DOCK3: variants seen among roughly 807,000 people sequenced by gnomAD.
The protein encoded by DOCK3 is dedicator of cytokinesis 3.
A neutral mutation model predicts 265.6 loss-of-function variants in DOCK3; 60 were observed. The observed-to-expected ratio is 0.23, with a 90% CI of 0.18 to 0.28. DOCK3 has a LOEUF of 0.28. DOCK3 is among the 10% of genes least tolerant of loss of function. The pLI, the probability that DOCK3 is intolerant of heterozygous loss-of-function variation, is 1.00. For synonymous variants in DOCK3, 881 were observed against 938.0 expected (o/e 0.94, Z 1.11); for missense variants, 1,981 against 2,594.3 (o/e 0.76, Z 5.14).
At chr3:51,147,775 A>G (rs993147411) in intron 10 of DOCK3, among the ~76,000 whole-genome samples, 2 of 152,184 alleles carry the variant, frequency 1.3e-5, no homozygotes, top group African/African-American at 4.8e-5. Context: ...AGTCTTTGCT[A>G]TTGTGAATAG....
chr3:51,311,950 C>G, intron 28 of DOCK3, 54 bp from the exon 29 acceptor site: 1 of 1,391,330 alleles, frequency 7.2e-7, no homozygotes, highest in Non-Finnish European at 9.9e-7. Context: ...ACCAAGCCAT[C>G]AGATGCCATT....
chr3:51,063,853 A>T (rs1049688250), intron 5 of DOCK3, among the ~76,000 whole-genome samples: 1 of 152,202 alleles, frequency 6.6e-6, no homozygotes, highest in African/African-American at 2.4e-5. Context: ...TTTTTATTAA[A>T]CTGAAAAGAC....
At chr3:50,972,075 T>C (rs1241082979) in intron 5 of DOCK3, among the ~76,000 whole-genome samples, 1 of 152,150 alleles carries the variant, frequency 6.6e-6, no homozygotes, top group Non-Finnish European at 1.5e-5. Context: ...TGTGAAGATA[T>C]CTATCTTGTG....
At chr3:50,775,007 G>A (rs1006052556) in intron 1 of DOCK3, among the ~76,000 whole-genome samples, 12 of 151,670 alleles carry the variant, frequency 7.9e-5, no homozygotes, top group African/African-American at 2.9e-4. Flanking sequence ...ATCCCCAGTT[G>A]GTCATGATGC....
intron 1 of DOCK3, among the ~76,000 whole-genome samples, chr3:50,694,602 A>C (rs2035485501): frequency 6.6e-6 from 1 of 152,208 alleles, no homozygotes; most frequent in African/African-American, 2.4e-5. Flanking sequence ...TAAGGCCAGG[A>C]GTTTGAGACT....
intron 1 of DOCK3, among the ~76,000 whole-genome samples, chr3:50,694,566 T>C (rs1395152476): frequency 6.6e-6 from 1 of 152,202 alleles, no homozygotes; most frequent in Non-Finnish European, 1.5e-5. Flanking sequence ...CCCAGCACTT[T>C]GGGAGGCCAA....
intron 5 of DOCK3, among the ~76,000 whole-genome samples, chr3:50,976,690 G>A (rs1192294742): frequency 1.3e-5 from 2 of 151,794 alleles, no homozygotes; most frequent in Non-Finnish European, 2.9e-5. Context: ...TCAATTGCTG[G>A]GTATCCTTGT....
chr3:50,932,914 A>G (rs2051148280), intron 4 of DOCK3, among the ~76,000 whole-genome samples: 1 of 152,220 alleles, frequency 6.6e-6, no homozygotes, highest in African/African-American at 2.4e-5. Context: ...GAGACTGGGT[A>G]ATTTATAAAG....
At chr3:50,880,608 C>T in intron 3 of DOCK3, 1 of 161,440 alleles carries the variant, frequency 6.2e-6, no homozygotes, top group South Asian at 1.4e-4. Context: ...AGACCAATAA[C>T]AGGTTCTGAA....
intron 1 of DOCK3, among the ~76,000 whole-genome samples, chr3:50,688,474 A>G (rs928758542): frequency 6.6e-6 from 1 of 152,044 alleles, no homozygotes; most frequent in Admixed American, 6.6e-5. Flanking sequence ...TTAATTAATT[A>G]TTTTGTGAGA....
chr3:51,270,722 T>C (rs1296283358), intron 23 of DOCK3, 93 bp from the exon 24 acceptor site: 1 of 1,349,244 alleles, frequency 7.4e-7, no homozygotes, highest in African/African-American at 1.5e-5. Flanking sequence ...CAGTGCCTTC[T>C]CAGCCTCTCA....
At chr3:50,967,325 C>T (rs926282827) in intron 5 of DOCK3, among the ~76,000 whole-genome samples, 1 of 152,168 alleles carries the variant, frequency 6.6e-6, no homozygotes, top group African/African-American at 2.4e-5. Flanking sequence ...TAGATCCAAC[C>T]ATGTTGCACA....
chr3:51,323,535 C>A (rs1017991531), intron 32 of DOCK3, among the ~76,000 whole-genome samples: 1 of 151,922 alleles, frequency 6.6e-6, no homozygotes, highest in African/African-American at 2.4e-5. Context: ...GAAACTCACT[C>A]AAAACCGCAC....
intron 4 of DOCK3, among the ~76,000 whole-genome samples, chr3:50,921,513 G>A (rs1188786288): frequency 6.6e-6 from 1 of 152,208 alleles, no homozygotes; most frequent in Non-Finnish European, 1.5e-5. Flanking sequence ...TTAGCTCGAA[G>A]AAGTTTGTTA....
intron 3 of DOCK3, among the ~76,000 whole-genome samples, chr3:50,873,176 C>T (rs2047517657): frequency 6.6e-6 from 1 of 152,182 alleles, no homozygotes; most frequent in Admixed American, 6.5e-5. Context: ...CAGATTCTCA[C>T]CCAAGACCCT....
Position 51,356,462 on chromosome 3 carries a change from C to T in DOCK3, c.4472C>T (p.Ser1491Phe). The T allele has an allele frequency of 6.2e-7, 1 of 1,613,638 alleles. No homozygotes were observed. The highest frequency in any genetic ancestry group is 8.5e-7 in the Non-Finnish European group (1 of 1,179,846). The change falls in exon 43 of 53, where the codon TCT becomes TTT. Residue 1491 changes from serine (S) to phenylalanine (F), a missense_variant. This residue lies in a region of DOCK3 where 1,357 missense variants were observed against 1,866.8 expected (regional missense o/e 0.73). Transcript: ENST00000266037. ...CTGACCCACAGCTTGCCTGGCATCT[C>T]TCGGTGGTTTGAAGTGGAGAGGAGG... ...LTLTHSLPGI[S>F]RWFEVERREL... is the part of the protein sequence containing the mutation.
In DOCK3 at chr3:51,352,065, G is replaced by A. The variant is rs528452905; in HGVS notation, c.4107+1673G>A. On this transcript the variant is annotated intron_variant, in intron 40 of 52. Coordinates refer to ENST00000266037, the MANE Select transcript of DOCK3 (RefSeq NM_004947.5). ...CATATTTGCTAGCCCCATCAGCATA[G>A]ATCATATAAGAATAATGGAAGTGGT... 4.7e-4 allele frequency among the ~76,000 whole-genome samples: 71 copies of A among 152,324 alleles called. 1 individual carries two copies. The highest frequency in any genetic ancestry group is 7.4e-5 in the Non-Finnish European group (5 of 68,026).
chr3:50,871,068 C>A (rs1054966853), intron 3 of DOCK3, among the ~76,000 whole-genome samples: 34 of 151,906 alleles, frequency 2.2e-4, no homozygotes, highest in African/African-American at 8.0e-4. Flanking sequence ...ATATAATATT[C>A]TGTATTTTTC....
At chr3:51,176,086 A>G (rs892200597) in intron 12 of DOCK3, among the ~76,000 whole-genome samples, 4 of 152,218 alleles carry the variant, frequency 2.6e-5, no homozygotes, top group Admixed American at 2.0e-4. Flanking sequence ...ATTTGTTTGT[A>G]TATTATTTCT....
Sources: allele counts gnomAD v4.1 joint callset (sites outside exome capture counted in the v4.1 genomes callset), GRCh38; gene constraint gnomAD v4.1.1; regional missense constraint gnomAD v4.1.1; transcripts MANE v1.5; gene names NCBI Gene and HGNC (gene_info 2026-07-23, HGNC 2026-07-21).